MPRIP: variants seen among roughly 807,000 people sequenced by gnomAD.
The protein encoded by MPRIP is myosin phosphatase Rho interacting protein, also known as myosin phosphatase Rho-interacting protein.
Under a neutral mutation model 234.9 loss-of-function variants are expected in MPRIP, and 59 were observed. The observed-to-expected ratio is 0.25, with a 90% CI of 0.20 to 0.31. The LOEUF (loss-of-function observed/expected upper bound fraction) is 0.31, where lower values mean the gene tolerates loss of function less well. MPRIP is among the 10% of genes least tolerant of loss of function. The pLI is 1.00. For synonymous variants in MPRIP, 1,144 were observed against 1,263.9 expected (o/e 0.91, Z 2.01); for missense variants, 2,436 against 3,071.0 (o/e 0.79, Z 4.89).
Position 17,190,463 on chromosome 17 carries a change from T to A in MPRIP, c.*5569T>A, listed in dbSNP as rs188846774. 2.0e-5 allele frequency: 3 copies of A among 152,390 alleles called. No homozygotes were observed. The highest frequency in any genetic ancestry group is 7.2e-5 in the African/African-American group (3 of 41,590). 9.4% of individuals were successfully genotyped at this position (152,390 alleles called of 1,614,324 possible). ...TGGGCAGTTAAGAACCAGCCTGAGC[T>A]GAAGGCTAGTAATACCGTGCTGTAG... is the stretch of plus-strand genomic sequence containing the variant. On this transcript the variant is annotated 3_prime_UTR_variant, in exon 24 of 24. Transcript: ENST00000651222.
At chr17:17,081,870 T>C (rs1347327588) in intron 3 of MPRIP, among the ~76,000 whole-genome samples, 2 of 152,114 alleles carry the variant, frequency 1.3e-5, no homozygotes, top group East Asian at 3.9e-4. Flanking sequence ...AGAGGCAAAT[T>C]TCCCGAAAAA....
At chr17:17,071,184 T>G (rs2089184619) in intron 1 of MPRIP, among the ~76,000 whole-genome samples, 1 of 152,200 alleles carries the variant, frequency 6.6e-6, no homozygotes, top group African/African-American at 2.4e-5. Flanking sequence ...AGTCCAACCT[T>G]TGCTCACTTG....
chr17:17,053,620 G>T (rs527316596), intron 1 of MPRIP, among the ~76,000 whole-genome samples: 3 of 152,190 alleles, frequency 2.0e-5, no homozygotes, highest in Non-Finnish European at 4.4e-5. Context: ...GGGGCAGTGC[G>T]GGGAGCACCA....
intron 1 of MPRIP, among the ~76,000 whole-genome samples, chr17:17,074,494 A>G (rs2089279282): frequency 6.6e-6 from 1 of 152,356 alleles, no homozygotes. Flanking sequence ...GCTATAATTC[A>G]CATATCTTAA....
intron 1 of MPRIP, among the ~76,000 whole-genome samples, chr17:17,052,672 C>T (rs1047613625): frequency 1.3e-5 from 2 of 152,162 alleles, no homozygotes; most frequent in African/African-American, 2.4e-5. Context: ...TGTGTGTGAA[C>T]GGTGCAGGCT....
At position 17,188,901 on chromosome 17, in the gene MPRIP, A is replaced by T. The variant is rs2046529767; in HGVS notation, c.*4007A>T. 6.6e-6 allele frequency: 1 copy of T among 152,272 alleles called. No individual in the cohort carries two copies. Among genetic ancestry groups the T allele is most frequent in the Non-Finnish European group, 1.5e-5 (1 of 68,066 alleles). The allele number at this position is 152,272 out of a possible 1,614,324, so 9.4% of individuals were successfully genotyped here. ...TCCTGTTTGGCCTCCTAGGTTTTGC[A>T]TATGACCTGCAGCCTAATTTGGGGT... On this transcript the variant is annotated 3_prime_UTR_variant, in exon 24 of 24. Transcript: ENST00000651222.
At chr17:17,132,625 C>G (rs576222716) in intron 5 of MPRIP, among the ~76,000 whole-genome samples, 4 of 152,318 alleles carry the variant, frequency 2.6e-5, no homozygotes, top group Admixed American at 2.6e-4. Context: ...GTCCCTTTCT[C>G]TCCTCAGCCC....
intron 3 of MPRIP, among the ~76,000 whole-genome samples, chr17:17,112,600 G>A (rs1016073833): frequency 5.9e-5 from 9 of 152,132 alleles, no homozygotes; most frequent in Non-Finnish European, 7.4e-5. Context: ...ACTCAGGACC[G>A]TCATCTGCAT....
intron 13 of MPRIP, among the ~76,000 whole-genome samples, chr17:17,157,163 G>A (rs748134208): frequency 6.6e-6 from 1 of 152,164 alleles, no homozygotes; most frequent in Non-Finnish European, 1.5e-5. Context: ...CAGCCTCCTT[G>A]ACAAATTGCC....
rs760187689 is a variant in MPRIP, at chr17:17,158,794, G to C, written c.2192G>C (p.Arg731Pro). ...CCAGGCACTGAGGATGCAGCCCTGC[G>C]CATGGAGGTGGACCGGAGCCCAGGG... ...DGPGTEDAAL[R>P]MEVDRSPGLP... Residue 731 changes from arginine (R) to proline (P), a missense_variant, in exon 14 of 24, where the codon CGC becomes CCC. Coordinates refer to ENST00000651222, the MANE Select transcript of MPRIP (RefSeq NM_001364716.4). The C allele has an allele frequency of 3.7e-6, 6 of 1,611,632 alleles. No individual in the cohort carries two copies. The highest frequency in any genetic ancestry group is 2.2e-5 in the South Asian group (2 of 91,026).
intron 1 of MPRIP, among the ~76,000 whole-genome samples, chr17:17,059,665 C>T (rs868067735): frequency 6.6e-6 from 1 of 152,246 alleles, no homozygotes; most frequent in Non-Finnish European, 1.5e-5. Flanking sequence ...TTTGCACCAC[C>T]TTTCGTGTCT....
intron 1 of MPRIP, among the ~76,000 whole-genome samples, chr17:17,048,481 CT>C (rs1318004829): frequency 6.6e-6 from 1 of 152,096 alleles, no homozygotes; most frequent in Non-Finnish European, 1.5e-5. Flanking sequence ...GCATCCCCCC[CT>C]TGTAGAAGAT....
intron 3 of MPRIP, among the ~76,000 whole-genome samples, chr17:17,096,480 C>G (rs990195754): frequency 6.6e-6 from 1 of 152,092 alleles, no homozygotes; most frequent in African/African-American, 2.4e-5. Context: ...GTTGAAATTC[C>G]AGATTCTTCT....
At chr17:17,168,702 C>T in intron 16 of MPRIP, 1 of 372,300 alleles carries the variant, frequency 2.7e-6, no homozygotes, top group South Asian at 2.0e-5. Context: ...CCCTTAGACT[C>T]AAAAGTTTAC....
At chr17:17,090,873 C>T (rs916505447) in intron 3 of MPRIP, among the ~76,000 whole-genome samples, 2 of 152,148 alleles carry the variant, frequency 1.3e-5, no homozygotes, top group South Asian at 2.1e-4. Context: ...CAGACACGCC[C>T]TAGCCTGAAG....
At position 17,158,775 on chromosome 17, in the gene MPRIP, A is replaced by C. The variant is rs777903567; in HGVS notation, c.2173A>C (p.Thr725Pro). 4 of 1,611,752 alleles carry C rather than the reference A, an allele frequency of 2.5e-6. No individual in the cohort carries two copies. Among genetic ancestry groups the C allele is most frequent in the Non-Finnish European group, 3.4e-6 (4 of 1,179,908 alleles). ...GCTCGACGCCACAGACGGGCCAGGCACTGAGGATGCAGCCCTGCGCATGGA... is the reference window on the plus strand; with the variant it reads ...GCTCGACGCCACAGACGGGCCAGGCCCTGAGGATGCAGCCCTGCGCATGGA... ...GMLDATDGPG[T>P]EDAALRMEVD... Residue 725 changes from threonine to proline, a missense_variant, in exon 14 of 24, where the codon ACT (threonine) becomes CCT (proline). Thr to Pro is a conservative substitution (Grantham distance 38, BLOSUM62 -1). This residue lies in a region of MPRIP where 1,998 missense variants were observed against 2,520.3 expected (regional missense o/e 0.79). Transcript: ENST00000651222.
intron 3 of MPRIP, among the ~76,000 whole-genome samples, chr17:17,121,977 G>T (rs892036267): frequency 6.6e-6 from 1 of 152,170 alleles, no homozygotes; most frequent in South Asian, 2.1e-4. Context: ...CCATGTCCCT[G>T]CAAAGGGTAT....
intron 1 of MPRIP, among the ~76,000 whole-genome samples, chr17:17,044,168 A>ATTTT (rs1203762062): frequency 2.6e-5 from 4 of 152,176 alleles, no homozygotes; most frequent in African/African-American, 9.7e-5. Context: ...CTAAACCCCA[A>ATTTT]AAGCTTAACG....
At chr17:17,114,506 T>G (rs1480970556) in intron 3 of MPRIP, among the ~76,000 whole-genome samples, 1 of 152,216 alleles carries the variant, frequency 6.6e-6, no homozygotes, top group Non-Finnish European at 1.5e-5. Context: ...TTACAGGGCT[T>G]TTTTCCTTGG....
Sources: allele counts gnomAD v4.1 joint callset (sites outside exome capture counted in the v4.1 genomes callset), GRCh38; gene constraint gnomAD v4.1.1; regional missense constraint gnomAD v4.1.1; transcripts MANE v1.5; gene names NCBI Gene and HGNC (gene_info 2026-07-23, HGNC 2026-07-21).